Variants in SMYD4 observed in about 807,000 individuals in gnomAD.
SMYD4 encodes the protein protein-lysine N-methyltransferase SMYD4.
Under a neutral mutation model 72.8 loss-of-function variants are expected in SMYD4, and 68 were observed. That is an observed-to-expected ratio of 0.93 (90% CI 0.77 to 1.14). The LOEUF (loss-of-function observed/expected upper bound fraction) is 1.14. Among genes scored for constraint, SMYD4 ranks in the 50% most tolerant of loss-of-function variants. The probability of loss-of-function intolerance (pLI) is 0.00; values close to 1 mark genes in which losing one functional copy is unlikely to be tolerated. For missense variants in SMYD4, 984 were observed against 1,003.7 expected, an observed-to-expected ratio of 0.98 and a Z score of 0.27; for synonymous variants, 407 against 388.6, an observed-to-expected ratio of 1.05 and a Z score of -0.56.
intron 9 of SMYD4, 87 bp from the exon 10 acceptor site, chr17:1,783,245 G>C: frequency 6.2e-7 from 1 of 1,611,842 alleles, no homozygotes; most frequent in Non-Finnish European, 8.5e-7. Flanking sequence ...GGAACGAGAG[G>C]GGGAGCACCC....
intron 3 of SMYD4, among the ~76,000 whole-genome samples, chr17:1,805,154 C>A (rs748460462): frequency 6.6e-6 from 1 of 152,100 alleles, no homozygotes; most frequent in African/African-American, 2.4e-5. Context: ...CAGTGGCTCA[C>A]GTCTGTAATT....
intron 2 of SMYD4, among the ~76,000 whole-genome samples, chr17:1,816,885 G>C (rs1339867011): frequency 6.6e-6 from 1 of 151,920 alleles, no homozygotes. Flanking sequence ...AATGAGTCAA[G>C]TCCTTTGCCT....
At position 1,786,869 on chromosome 17, in the gene SMYD4, T is replaced by C. The variant is rs899101886; in HGVS notation, c.1825A>G (p.Met609Val). Residue 609 changes from methionine (M) to valine (V), a missense_variant, in exon 7 of 11, where the codon ATG (methionine) becomes GTG (valine). Coordinates refer to ENST00000305513, the MANE Select transcript of SMYD4 (RefSeq NM_052928.3). ...GCTTCCCACCTGGGCCCTGCAGCCA[T>C]CCTGTGTGCCTCAGTTTGACAAGCT... Reference protein sequence around the residue: ...CPACQTEAHRMAAGPRWEAFC... With the variant: ...CPACQTEAHRVAAGPRWEAFC... The C allele has an allele frequency of 6.2e-7, 1 of 1,614,224 alleles. No individual in the cohort carries two copies. Among genetic ancestry groups the C allele is most frequent in the African/African-American group, 1.3e-5 (1 of 75,066 alleles).
chr17:1,801,443 T>C (rs1597381113), intron 4 of SMYD4, among the ~76,000 whole-genome samples: 1 of 151,552 alleles, frequency 6.6e-6, no homozygotes, highest in East Asian at 2.0e-4. Flanking sequence ...GGTTTTGCCA[T>C]GTTAGCCAGG....
chr17:1,827,965 T>G lies in SMYD4; in HGVS notation c.30A>C (p.Ser10=). 6.2e-7 allele frequency: 1 copy of G among 1,613,224 alleles called. No individual in the cohort carries two copies. Among genetic ancestry groups the G allele is most frequent in the Non-Finnish European group, 8.5e-7 (1 of 1,179,252 alleles). The change falls in exon 2 of 11, where the codon TCA becomes TCC. Residue 10 remains serine (S), a synonymous_variant. Coordinates refer to ENST00000305513, the MANE Select transcript of SMYD4 (RefSeq NM_052928.3). Reference sequence around the variant, plus strand: ...GTGAAGCCCACTTTTGAAGCAGATATGATTTCCATTCATCCACAGGCAGAT... The same window carrying G: ...GTGAAGCCCACTTTTGAAGCAGATAGGATTTCCATTCATCCACAGGCAGAT... MDLPVDEWK[S]YLLQKWASLP...
At chr17:1,784,884 C>G (rs1373884257) in intron 7 of SMYD4, among the ~76,000 whole-genome samples, 1 of 151,916 alleles carries the variant, frequency 6.6e-6, no homozygotes. Context: ...ATTCTCCTGC[C>G]TCAGTCTCCC....
chr17:1,811,623 G>A (rs1910333744), intron 3 of SMYD4, among the ~76,000 whole-genome samples: 2 of 152,108 alleles, frequency 1.3e-5, no homozygotes, highest in African/African-American at 2.4e-5. Context: ...GAAGAAACAC[G>A]CATTGTTACA....
At chr17:1,804,378 T>C in intron 4 of SMYD4, 4 of 373,742 alleles carry the variant, frequency 1.1e-5, no homozygotes, top group Non-Finnish European at 2.1e-5. Context: ...GGTTCCACTG[T>C]GTCGGCCACG....
chr17:1,810,333 C>G (rs1250651243), intron 3 of SMYD4, among the ~76,000 whole-genome samples: 1 of 151,788 alleles, frequency 6.6e-6, no homozygotes, highest in East Asian at 1.9e-4. Context: ...CAGGGTAGTG[C>G]AGAGACCAGC....
intron 2 of SMYD4, among the ~76,000 whole-genome samples, 187 bp downstream of exon 2, chr17:1,827,674 G>A (rs1179929827): frequency 6.6e-6 from 1 of 151,912 alleles, no homozygotes; most frequent in African/African-American, 2.4e-5. Context: ...GGTGGCTCAC[G>A]CCTGTACTCC....
At chr17:1,810,097 G>T (rs960643522) in intron 3 of SMYD4, among the ~76,000 whole-genome samples, 3 of 151,956 alleles carry the variant, frequency 2.0e-5, no homozygotes, top group Admixed American at 6.6e-5. Flanking sequence ...GCCCAGCCAA[G>T]AATAATAGAT....
At chr17:1,793,824 G>A (rs1259021746) in intron 5 of SMYD4, among the ~76,000 whole-genome samples, 2 of 149,530 alleles carry the variant, frequency 1.3e-5, no homozygotes, top group Admixed American at 1.3e-4. Flanking sequence ...GCCTCTCAGT[G>A]CAGTGTTTTT....
At chr17:1,828,076 T>G in intron 1 of SMYD4, 70 bp from the exon 2 acceptor site, 1 of 1,487,808 alleles carries the variant, frequency 6.7e-7, no homozygotes, top group East Asian at 2.4e-5. Flanking sequence ...TTCAGCCAGG[T>G]ACGGTGGCTC....
chr17:1,809,912 C>T (rs1192168674), intron 3 of SMYD4, among the ~76,000 whole-genome samples: 5 of 152,148 alleles, frequency 3.3e-5, no homozygotes, highest in Admixed American at 1.3e-4. Context: ...CCACCCACCT[C>T]GGCCTCCCAA....
chr17:1,803,719 G>T (rs1222792983), intron 4 of SMYD4, among the ~76,000 whole-genome samples: 3 of 151,922 alleles, frequency 2.0e-5, no homozygotes, highest in Admixed American at 2.0e-4. Context: ...GGCTGGTTTC[G>T]AACTCCTGAC....
intron 5 of SMYD4, among the ~76,000 whole-genome samples, chr17:1,788,605 T>C (rs1908833127): frequency 6.6e-6 from 1 of 151,612 alleles, no homozygotes; most frequent in African/African-American, 2.4e-5. Flanking sequence ...ATTAGCTGGG[T>C]GTGGTGGTAC....
chr17:1,789,708 T>C (rs1197868127), intron 5 of SMYD4, among the ~76,000 whole-genome samples: 1 of 134,344 alleles, frequency 7.4e-6, no homozygotes, highest in Non-Finnish European at 1.6e-5. Flanking sequence ...GAGGTTGCAG[T>C]GAGCCGAGAT....
intron 5 of SMYD4, among the ~76,000 whole-genome samples, chr17:1,796,375 A>G (rs1317163360): frequency 1.4e-5 from 2 of 147,288 alleles, no homozygotes; most frequent in African/African-American, 2.5e-5. Context: ...GGCTCAAGCA[A>G]TCCGCCCACC....
chr17:1,822,389 G>T (rs1391630149), intron 2 of SMYD4, among the ~76,000 whole-genome samples: 1 of 152,114 alleles, frequency 6.6e-6, no homozygotes, highest in Admixed American at 6.6e-5. Context: ...AAGTATGTAT[G>T]CATATTATTC....
Sources: allele counts gnomAD v4.1 joint callset (sites outside exome capture counted in the v4.1 genomes callset), GRCh38; gene constraint gnomAD v4.1.1; transcripts MANE v1.5; gene names NCBI Gene and HGNC (gene_info 2026-07-23, HGNC 2026-07-21).